The following PARD3 variants were observed in gnomAD, a reference collection of about 807,000 sequenced individuals.
PARD3 encodes par-3 family cell polarity regulator.
PARD3 carries 75 observed loss-of-function variants against 155.4 expected under a neutral mutation model. That is an observed-to-expected ratio of 0.48 (90% confidence interval 0.40 to 0.58). The LOEUF (loss-of-function observed/expected upper bound fraction) is 0.58, where lower values mean the gene tolerates loss of function less well. Ranked by LOEUF, PARD3 falls within the 20% of genes least tolerant of loss-of-function variation. PARD3 has a pLI of 0.00. For synonymous variants in PARD3, 576 were observed against 610.5 expected, an observed-to-expected ratio of 0.94 and a Z score of 0.83; for missense variants, 1,642 against 1,721.7, an observed-to-expected ratio of 0.95 and a Z score of 0.82.
In PARD3 at chr10:34,368,839, T is replaced by TAAAA. The variant is rs71033310; in HGVS notation, c.1707+3655_1707+3658dup. ...CCTATGTATCAATCCATGAGCAATG[T>TAAAA]AAAAAAAAAAAAAAAAAAAAAATCA... On this transcript the variant is annotated intron_variant, in intron 12 of 24. Coordinates refer to ENST00000374788, the MANE Select transcript of PARD3 (RefSeq NM_001184785.2). Among the ~76,000 whole-genome samples the TAAAA allele has an allele frequency of 5.0e-3, 543 of 108,562 alleles. 12 individuals are homozygous for TAAAA. The highest frequency in any genetic ancestry group is 0.036 in the South Asian group (107 of 2,932). The allele number at this position is 108,562 out of a possible 152,430, so 71.2% of individuals were successfully genotyped here.
chr10:34,672,243 C>T (rs1031585433), intron 2 of PARD3, among the ~76,000 whole-genome samples: 16 of 152,170 alleles, frequency 1.1e-4, no homozygotes, highest in African/African-American at 3.9e-4. Flanking sequence ...TTCTCACCCA[C>T]AATTAAGATC....
chr10:34,327,503 G>C (rs1041142858), intron 19 of PARD3, among the ~76,000 whole-genome samples: 9 of 152,214 alleles, frequency 5.9e-5, no homozygotes, highest in African/African-American at 2.2e-4. Context: ...ATAGTCACTG[G>C]GGAGGGGCTC....
In PARD3 at chr10:34,205,018, T is replaced by C. The variant is rs916969498; in HGVS notation, c.3419+64639A>G. Reference sequence around the variant, plus strand: ...TGTGCCTGCATCATTATAGCAACTATAGGGAGTAATTTGAGTCTGGGGATG... The same window carrying C: ...TGTGCCTGCATCATTATAGCAACTACAGGGAGTAATTTGAGTCTGGGGATG... On this transcript the variant is annotated intron_variant, in intron 22 of 24. Coordinates refer to ENST00000374788, the MANE Select transcript of PARD3 (RefSeq NM_001184785.2). Among the ~76,000 whole-genome samples, 4 of 152,176 alleles carry C rather than the reference T, an allele frequency of 2.6e-5. No individual in the cohort carries two copies. The East Asian group carries it at 5.8e-4, about 22-fold the overall frequency.
intron 5 of PARD3, among the ~76,000 whole-genome samples, chr10:34,430,971 G>A (rs1028463921): frequency 2.6e-5 from 4 of 152,168 alleles, no homozygotes; most frequent in South Asian, 2.1e-4. Context: ...ACTGATTGGC[G>A]TTTTCTAGAC....
At chr10:34,365,575 C>T (rs757043497) in intron 12 of PARD3, among the ~76,000 whole-genome samples, 1 of 152,082 alleles carries the variant, frequency 6.6e-6, no homozygotes, top group Non-Finnish European at 1.5e-5. Flanking sequence ...AATAGGTAGA[C>T]AAGAACATCT....
chr10:34,601,112 A>G (rs2089736772), intron 2 of PARD3, among the ~76,000 whole-genome samples: 1 of 151,600 alleles, frequency 6.6e-6, no homozygotes, highest in Non-Finnish European at 1.5e-5. Context: ...TGCCAAGCCT[A>G]AATTTTAATT....
intron 22 of PARD3, among the ~76,000 whole-genome samples, chr10:34,160,999 T>C (rs1489435292): frequency 6.6e-6 from 1 of 152,166 alleles, no homozygotes; most frequent in Non-Finnish European, 1.5e-5. Flanking sequence ...CTCATGCCTG[T>C]AATCCCAGCA....
intron 3 of PARD3, among the ~76,000 whole-genome samples, chr10:34,477,386 G>A (rs1178425424): frequency 6.6e-6 from 1 of 152,220 alleles, no homozygotes; most frequent in Non-Finnish European, 1.5e-5. Context: ...ATGAAGCACA[G>A]AGCGACTGGT....
chr10:34,680,509 A>C (rs1183540457), intron 2 of PARD3, among the ~76,000 whole-genome samples: 1 of 151,686 alleles, frequency 6.6e-6, no homozygotes, highest in Non-Finnish European at 1.5e-5. Context: ...CAGTGAACCA[A>C]TATCACACCA....
At chr10:34,531,303 T>C (rs949450602) in intron 2 of PARD3, among the ~76,000 whole-genome samples, 3 of 152,232 alleles carry the variant, frequency 2.0e-5, no homozygotes, top group Admixed American at 2.0e-4. Context: ...TGGAAACTCG[T>C]CTGCTGCCTC....
chr10:34,116,050 AAAAC>A (rs1214768218), intron 24 of PARD3, among the ~76,000 whole-genome samples: 7 of 152,248 alleles, frequency 4.6e-5, no homozygotes, highest in African/African-American at 1.4e-4. Context: ...TAGAAAAAGA[AAAAC>A]AAACAAAAAT....
chr10:34,598,174 GAAGAA>G (rs2089460987), intron 2 of PARD3, among the ~76,000 whole-genome samples: 1 of 152,164 alleles, frequency 6.6e-6, no homozygotes, highest in African/African-American at 2.4e-5. Flanking sequence ...TTAGGACACT[GAAGAA>G]GAGAAGGAAT....
chr10:34,435,543 A>C (rs907444482), intron 5 of PARD3, among the ~76,000 whole-genome samples: 2 of 152,228 alleles, frequency 1.3e-5, no homozygotes, highest in African/African-American at 4.8e-5. Flanking sequence ...ATATCTGTTG[A>C]CTAAGCCCCC....
rs1309414210 is a variant in PARD3, at chr10:34,371,506, AAAAAAAAAAAAAAAAAAAAAAAAAAAC to A, written c.1707+965_1707+991del. Among the ~76,000 whole-genome samples, 87 of 94,290 alleles carry A rather than the reference AAAAAAAAAAAAAAAAAAAAAAAAAAAC, an allele frequency of 9.2e-4. 2 individuals carry two copies. The highest frequency in any genetic ancestry group is 9.1e-3 in the East Asian group (39 of 4,286). 61.9% of individuals were successfully genotyped at this position (94,290 alleles called of 152,430 possible). A position where few individuals can be genotyped will look rare whatever the true frequency, so the allele number is the denominator to read the frequency against. On this transcript the variant is annotated intron_variant, in intron 12 of 24. Coordinates refer to ENST00000374788, the MANE Select transcript of PARD3 (RefSeq NM_001184785.2). The stretch of plus-strand genomic sequence containing the variant: ...AGACTCAAAAAAAAAAAAAAAAAAA[AAAAAAAAAAAAAAAAAAAAAAAAAAAC>A]AACGAAGGAATATTTGAAAAATAAC...
At chr10:34,635,211 C>T (rs188862161) in intron 2 of PARD3, among the ~76,000 whole-genome samples, 6 of 152,374 alleles carry the variant, frequency 3.9e-5, no homozygotes, top group Admixed American at 1.3e-4. Flanking sequence ...CCCATGGGTG[C>T]TCTCAGCCCA....
chr10:34,387,260 A>C (rs1458341145), intron 7 of PARD3, among the ~76,000 whole-genome samples: 1 of 152,216 alleles, frequency 6.6e-6, no homozygotes, highest in Non-Finnish European at 1.5e-5. Flanking sequence ...AGTCCATAGA[A>C]AATTTTTACA....
intron 22 of PARD3, among the ~76,000 whole-genome samples, chr10:34,227,948 A>ATGATTTATGGT (rs1952710639): frequency 6.8e-6 from 1 of 147,752 alleles, no homozygotes; most frequent in Admixed American, 6.7e-5. Context: ...TTCTACCATA[A>ATGATTTATGGT]AGACACATGC....
chr10:34,565,919 T>C (rs949613075), intron 2 of PARD3, among the ~76,000 whole-genome samples: 2 of 152,246 alleles, frequency 1.3e-5, no homozygotes, highest in African/African-American at 4.8e-5. Context: ...TGATTTTCCA[T>C]TGTGTCAAAA....
At chr10:34,404,233 G>C (rs1844203427) in intron 5 of PARD3, among the ~76,000 whole-genome samples, 1 of 152,154 alleles carries the variant, frequency 6.6e-6, no homozygotes, top group Non-Finnish European at 1.5e-5. Context: ...GCTCCTGTAT[G>C]GTTTTATTCT....
Sources: allele counts gnomAD v4.1 joint callset (sites outside exome capture counted in the v4.1 genomes callset), GRCh38; gene constraint gnomAD v4.1.1; transcripts MANE v1.5; gene names NCBI Gene and HGNC (gene_info 2026-07-23, HGNC 2026-07-21).